Variants in CNOT4 observed in about 807,000 individuals in gnomAD.
The protein encoded by CNOT4 is CCR4-NOT transcription complex subunit 4.
CNOT4 carries 8 observed loss-of-function variants against 73.8 expected under a neutral mutation model. The ratio of observed to expected loss-of-function variants is 0.11; its 90% CI spans 0.06 to 0.20. CNOT4 has a LOEUF of 0.20. Ranked by LOEUF, CNOT4 falls within the 10% of genes least tolerant of loss-of-function variation. The probability of loss-of-function intolerance (pLI) is 1.00; values close to 1 mark genes in which losing one functional copy is unlikely to be tolerated. For missense variants in CNOT4, 564 were observed against 883.4 expected, an observed-to-expected ratio of 0.64 and a Z score of 4.58; for synonymous variants, 293 against 321.1, an observed-to-expected ratio of 0.91 and a Z score of 0.94.
At chr7:135,481,479 T>C (rs1476011406) in intron 1 of CNOT4, among the ~76,000 whole-genome samples, 7 of 152,110 alleles carry the variant, frequency 4.6e-5, no homozygotes, top group African/African-American at 1.7e-4. Context: ...AAAAGAGAAC[T>C]CTTAAACACT....
chr7:135,494,425 G>A (rs1323439311), intron 1 of CNOT4, among the ~76,000 whole-genome samples: 1 of 141,606 alleles, frequency 7.1e-6, no homozygotes, highest in African/African-American at 2.6e-5. Flanking sequence ...AGCCGAGATC[G>A]CGCCATTGCA....
chr7:135,463,276 G>A (rs2129486390), intron 1 of CNOT4, among the ~76,000 whole-genome samples: 1 of 152,298 alleles, frequency 6.6e-6, no homozygotes, highest in Non-Finnish European at 1.5e-5. Context: ...GGTGGCTCAT[G>A]CCTGTAATCC....
intron 2 of CNOT4, among the ~76,000 whole-genome samples, chr7:135,423,541 G>T (rs1187627267): frequency 6.6e-6 from 1 of 151,356 alleles, no homozygotes; most frequent in Non-Finnish European, 1.5e-5. Flanking sequence ...AAGAAAGTGA[G>T]ATTTCACCTT....
chr7:135,404,930 G>C (rs1339634633), intron 7 of CNOT4, among the ~76,000 whole-genome samples: 1 of 152,126 alleles, frequency 6.6e-6, no homozygotes, highest in African/African-American at 2.4e-5. Context: ...TCAAGCACCA[G>C]ATATTTTCAA....
chr7:135,387,449 C>T (rs1236395571), intron 10 of CNOT4: 1 of 982,876 alleles, frequency 1.0e-6, no homozygotes, highest in Non-Finnish European at 1.2e-6. Context: ...CTTGAAAACT[C>T]CAACTCCAAC....
chr7:135,389,145 T>C (rs1181524306), intron 10 of CNOT4, among the ~76,000 whole-genome samples: 1 of 48,226 alleles, frequency 2.1e-5, no homozygotes, highest in African/African-American at 8.7e-5. Context: ...ATTTAGATTA[T>C]AAACATACTA....
In CNOT4 at chr7:135,405,600, C is replaced by G. The variant is rs566000464; in HGVS notation, c.821+4915G>C. Among the ~76,000 whole-genome samples the G allele has an allele frequency of 1.1e-4, 16 of 152,310 alleles. No homozygotes were observed. The South Asian group carries it at 3.3e-3, about 32-fold the overall frequency. On this transcript the variant is annotated intron_variant, in intron 7 of 11. Coordinates refer to ENST00000541284, the MANE Select transcript of CNOT4 (RefSeq NM_001190850.2). The stretch of plus-strand genomic sequence containing the variant: ...TCATTTCAAAGCAACTTATTCATAG[C>G]ACATATATAGTTCAAAACTCATTAA...
intron 1 of CNOT4, among the ~76,000 whole-genome samples, chr7:135,472,243 C>T (rs1313365777): frequency 1.3e-5 from 2 of 148,998 alleles, no homozygotes; most frequent in African/African-American, 2.5e-5. Context: ...TTTGGGAGGC[C>T]GAGGTGGGCA....
At chr7:135,411,413 C>T (rs1797584952) in intron 6 of CNOT4, among the ~76,000 whole-genome samples, 1 of 151,970 alleles carries the variant, frequency 6.6e-6, no homozygotes, top group African/African-American at 2.4e-5. Flanking sequence ...AGACTACATA[C>T]ATAGCTCAGA....
At chr7:135,426,527 C>T (rs1798508240) in intron 2 of CNOT4, among the ~76,000 whole-genome samples, 2 of 150,674 alleles carry the variant, frequency 1.3e-5, no homozygotes, top group Admixed American at 1.3e-4. Context: ...GGCGTGAACC[C>T]AGGAGGCAGA....
intron 1 of CNOT4, among the ~76,000 whole-genome samples, chr7:135,502,839 A>T (rs1254860159): frequency 2.0e-5 from 3 of 151,380 alleles, no homozygotes; most frequent in Non-Finnish European, 4.4e-5. Context: ...AAAAAAGAAA[A>T]AAAGAAAAGT....
intron 1 of CNOT4, among the ~76,000 whole-genome samples, chr7:135,467,410 A>G (rs951792563): frequency 1.5e-4 from 23 of 152,174 alleles, no homozygotes; most frequent in African/African-American, 5.1e-4. Context: ...TTTATGATGT[A>G]AAGACATAAA....
At chr7:135,381,092 CA>C (rs200360824) in intron 10 of CNOT4, among the ~76,000 whole-genome samples, 3 of 150,310 alleles carry the variant, frequency 2.0e-5, no homozygotes, top group South Asian at 4.2e-4. Flanking sequence ...TTGGTTCCTT[CA>C]AAAAAAAATT....
intron 1 of CNOT4, among the ~76,000 whole-genome samples, chr7:135,467,547 C>G (rs1268225013): frequency 6.6e-6 from 1 of 151,886 alleles, no homozygotes; most frequent in Non-Finnish European, 1.5e-5. Context: ...CCCATATCCA[C>G]AAAAATAAAA....
chr7:135,428,259 G>A (rs1798617589), intron 2 of CNOT4, among the ~76,000 whole-genome samples: 1 of 152,052 alleles, frequency 6.6e-6, no homozygotes, highest in South Asian at 2.1e-4. Context: ...CTCTAGAGAG[G>A]AGCAAATCCA....
At chr7:135,465,044 C>T (rs1384773850) in intron 1 of CNOT4, among the ~76,000 whole-genome samples, 1 of 152,116 alleles carries the variant, frequency 6.6e-6, no homozygotes, top group Non-Finnish European at 1.5e-5. Context: ...TGTTGATACA[C>T]TAAATTATCA....
intron 10 of CNOT4, among the ~76,000 whole-genome samples, chr7:135,393,590 G>A (rs1423456260): frequency 6.6e-6 from 1 of 152,044 alleles, no homozygotes; most frequent in Non-Finnish European, 1.5e-5. Context: ...TCACCACGGT[G>A]TTGGACTTTA....
In CNOT4 at chr7:135,375,173, T is replaced by G. The variant is rs188825590; in HGVS notation, c.1628-11107A>C. Among the ~76,000 whole-genome samples the G allele has an allele frequency of 1.7e-4, 26 of 152,342 alleles. No homozygotes were observed. The East Asian group carries it at 4.8e-3, about 28-fold the overall frequency. ...TATTATCTGATCATATGTGGATTAT[T>G]ATATTCAAGTGTGAGCTTCATATTT... On this transcript the variant is annotated intron_variant, in intron 10 of 11. Coordinates refer to ENST00000541284, the MANE Select transcript of CNOT4 (RefSeq NM_001190850.2).
chr7:135,474,606 C>T (rs1404668769), intron 1 of CNOT4, among the ~76,000 whole-genome samples: 1 of 152,094 alleles, frequency 6.6e-6, no homozygotes, highest in Non-Finnish European at 1.5e-5. Flanking sequence ...AACACTAGTG[C>T]AGTGCATAGT....
Sources: allele counts gnomAD v4.1 joint callset (sites outside exome capture counted in the v4.1 genomes callset), GRCh38; gene constraint gnomAD v4.1.1; transcripts MANE v1.5; gene names NCBI Gene and HGNC (gene_info 2026-07-23, HGNC 2026-07-21).